BRF1: variants seen among roughly 807,000 people sequenced by gnomAD.
BRF1 encodes transcription factor IIIB 90 kDa subunit.
A neutral mutation model predicts 81.7 loss-of-function variants in BRF1; 59 were observed. The ratio of observed to expected loss-of-function variants is 0.72; its 90% CI spans 0.59 to 0.90. The LOEUF (loss-of-function observed/expected upper bound fraction) is 0.90. Ranked by LOEUF, BRF1 falls within the 40% of genes least tolerant of loss-of-function variation. The pLI is 0.00. For synonymous variants in BRF1, 491 were observed against 395.6 expected (o/e 1.24, Z -2.86); for missense variants, 1,050 against 936.3 (o/e 1.12, Z -1.58).
chr14:105,219,548 A>G, intron 12 of BRF1: 1 of 508,424 alleles, frequency 2.0e-6, no homozygotes, highest in Non-Finnish European at 3.5e-6. Context: ...GGGCCAAGTG[A>G]GGGTGAGAGC....
At position 105,220,242 on chromosome 14, in the gene BRF1, C is replaced by A. The variant is rs986195074; in HGVS notation, c.1316-112G>T. On this transcript the variant is annotated intron_variant, in intron 11 of 17. Transcript: ENST00000547530. ...GGTCTGGGCTAAGGGCTTTCTAGAA[C>A]CCCGTCCCCTCCTCTGCACTGGTGG... is the stretch of plus-strand genomic sequence containing the variant. 2.5e-6 allele frequency: 3 copies of A among 1,187,978 alleles called. No homozygotes were observed. The Admixed American group carries it at 5.5e-5, about 22-fold the overall frequency. The allele number at this position is 1,187,978 out of a possible 1,614,324, so 73.6% of individuals were successfully genotyped here.
At chr14:105,220,277 T>C (rs1198690466) in intron 11 of BRF1, 147 bp from the exon 12 acceptor site, 1 of 776,288 alleles carries the variant, frequency 1.3e-6, no homozygotes, top group Non-Finnish European at 2.1e-6. Flanking sequence ...GGTCGCGCCC[T>C]GTCTGCCCAC....
Position 105,284,963 on chromosome 14 carries a change from A to T in BRF1, c.265+1333T>A, listed in dbSNP as rs1031961760. ...CAACTGAGACTAAATTCGACAAAAG[A>T]AGTACAAAACTTATACTCTGAGAAC... On this transcript the variant is annotated intron_variant, in intron 2 of 17. Transcript: ENST00000547530. This position sits in a 1 kb window ranked among gnomAD's most constrained non-coding sequence, Gnocchi z 4.0. 6.6e-6 allele frequency among the ~76,000 whole-genome samples: 1 copy of T among 152,226 alleles called. No individual in the cohort carries two copies. The highest frequency in any genetic ancestry group is 1.5e-5 in the Non-Finnish European group (1 of 68,042).
intron 5 of BRF1, chr14:105,249,276 CG>C: frequency 1.3e-6 from 2 of 1,563,730 alleles, no homozygotes; most frequent in Non-Finnish European, 1.7e-6. Flanking sequence ...TCTCGGAACG[CG>C]TGCCCCGTCC....
intron 3 of BRF1, among the ~76,000 whole-genome samples, chr14:105,266,114 C>T (rs2056404048): frequency 6.6e-6 from 1 of 151,988 alleles, no homozygotes; most frequent in Non-Finnish European, 1.5e-5. Flanking sequence ...TGTAACGAAA[C>T]TCACCTAGAG....
At chr14:105,213,965 GC>G (rs1227946412) in intron 15 of BRF1, among the ~76,000 whole-genome samples, 1 of 152,226 alleles carries the variant, frequency 6.6e-6, no homozygotes, top group Non-Finnish European at 1.5e-5. Flanking sequence ...TGGAGAACAA[GC>G]TCCCACCTGG....
At chr14:105,229,000 G>A (rs1007495399) in intron 6 of BRF1, 87 bp from the exon 7 acceptor site, 52 of 1,223,102 alleles carry the variant, frequency 4.3e-5, no homozygotes, top group African/African-American at 3.4e-4. Context: ...TGCGGATCCC[G>A]GTCACGGAGA....
At chr14:105,226,432 T>C (rs1893106123) in intron 8 of BRF1, 142 bp from the exon 9 acceptor site, 3 of 1,440,760 alleles carry the variant, frequency 2.1e-6, no homozygotes, top group Non-Finnish European at 2.9e-6. Context: ...TATGGGCCTG[T>C]GTCCCCCATG....
chr14:105,293,483 G>A (rs1483486072), intron 1 of BRF1, among the ~76,000 whole-genome samples: 2 of 152,238 alleles, frequency 1.3e-5, no homozygotes, highest in African/African-American at 4.8e-5. Flanking sequence ...AGGGACCCCT[G>A]CAAGCAGGAG....
At chr14:105,256,147 T>C in intron 4 of BRF1, 3 of 1,443,272 alleles carry the variant, frequency 2.1e-6, no homozygotes, top group Non-Finnish European at 1.8e-6. Flanking sequence ...ATAAATAAAA[T>C]GCAAGGTCAA....
intron 3 of BRF1, among the ~76,000 whole-genome samples, chr14:105,265,517 T>C (rs1244742969): frequency 1.3e-5 from 2 of 151,962 alleles, no homozygotes; most frequent in Non-Finnish European, 2.9e-5. Flanking sequence ...TTTGGGAGGC[T>C]AAGGTGGGCA....
At chr14:105,217,411 T>C in intron 15 of BRF1, 133 bp downstream of exon 15, 1 of 1,394,684 alleles carries the variant, frequency 7.2e-7, no homozygotes, top group South Asian at 1.4e-5. Context: ...GTCCCCAGCA[T>C]GCAGGTGGCA....
intron 3 of BRF1, among the ~76,000 whole-genome samples, chr14:105,264,371 T>A (rs777326776): frequency 6.6e-6 from 1 of 150,398 alleles, no homozygotes; most frequent in African/African-American, 2.4e-5. Context: ...CTCATCTCTA[T>A]AAAAAATTGA....
chr14:105,304,266 C>G (rs2058114637), upstream of BRF1, among the ~76,000 whole-genome samples: 1 of 152,132 alleles, frequency 6.6e-6, no homozygotes, highest in Admixed American at 6.6e-5. Flanking sequence ...CTGAGGAGGG[C>G]AGATCACGAG....
chr14:105,304,732 C>T (rs934993835), upstream of BRF1, among the ~76,000 whole-genome samples: 1 of 152,178 alleles, frequency 6.6e-6, no homozygotes, highest in Non-Finnish European at 1.5e-5. Context: ...GCTGCAGAGG[C>T]CTCACAATCA....
chr14:105,265,546 G>T (rs1411624198), intron 3 of BRF1, among the ~76,000 whole-genome samples: 1 of 152,048 alleles, frequency 6.6e-6, no homozygotes, highest in Non-Finnish European at 1.5e-5. Flanking sequence ...GATGTCAGGA[G>T]TTTGAGACCA....
At chr14:105,252,706 C>T (rs1402805500) in intron 4 of BRF1, 127 bp from the exon 5 acceptor site, 6 of 1,001,086 alleles carry the variant, frequency 6.0e-6, no homozygotes, top group Non-Finnish European at 8.6e-6. Context: ...AGCCACCCCA[C>T]ACCCGCAAGC....
At chr14:105,241,157 C>G (rs587598510) in intron 6 of BRF1, 108 bp downstream of exon 6, 45 of 1,520,940 alleles carry the variant, frequency 3.0e-5, no homozygotes, top group East Asian at 6.8e-5. Context: ...GGAGGCAGCT[C>G]TCAGTGCTCT....
In BRF1 at chr14:105,209,684, C is replaced by A; in HGVS notation, c.*867G>T. ...CCTGATCCAGCTCTGACAGGGAGCGCCACTGCCCTCTGGCTCTGTCCACGG... is the reference window on the plus strand; with the variant it reads ...CCTGATCCAGCTCTGACAGGGAGCGACACTGCCCTCTGGCTCTGTCCACGG... On this transcript the variant is annotated 3_prime_UTR_variant, in exon 18 of 18. Coordinates refer to ENST00000547530, the MANE Select transcript of BRF1 (RefSeq NM_001519.4). 1 of 653,570 alleles carries A rather than the reference C, an allele frequency of 1.5e-6. No homozygotes were observed. The highest frequency in any genetic ancestry group is 2.8e-6 in the Non-Finnish European group (1 of 359,710). The allele number at this position is 653,570 out of a possible 1,614,324, so 40.5% of individuals were successfully genotyped here.
Sources: allele counts gnomAD v4.1 joint callset (sites outside exome capture counted in the v4.1 genomes callset), GRCh38; gene constraint gnomAD v4.1.1; non-coding constraint Gnocchi (gnomAD v3.1); transcripts MANE v1.5; gene names NCBI Gene and HGNC (gene_info 2026-07-23, HGNC 2026-07-21).